The following GABBR2 variants were observed in gnomAD, a reference collection of about 807,000 sequenced individuals.
The protein encoded by GABBR2 is G-protein coupled receptor 51.
A neutral mutation model predicts 105.6 loss-of-function variants in GABBR2; 23 were observed. The ratio of observed to expected loss-of-function variants is 0.22; its 90% CI spans 0.16 to 0.31. The LOEUF is 0.31. GABBR2 is among the 10% of genes least tolerant of loss of function. The probability of loss-of-function intolerance (pLI) is 1.00; values close to 1 mark genes in which losing one functional copy is unlikely to be tolerated. For missense variants in GABBR2, 734 were observed against 1,245.5 expected (o/e 0.59, Z 6.18); for synonymous variants, 478 against 499.7 (o/e 0.96, Z 0.58).
chr9:98,348,352 G>T (rs1831335325), intron 13 of GABBR2, among the ~76,000 whole-genome samples: 1 of 152,146 alleles, frequency 6.6e-6, no homozygotes, highest in African/African-American at 2.4e-5. Flanking sequence ...AGTATATTTT[G>T]CAGTCAAGTA....
intron 3 of GABBR2, among the ~76,000 whole-genome samples, chr9:98,501,299 A>G (rs1281214548): frequency 2.0e-5 from 3 of 151,898 alleles, no homozygotes; most frequent in Non-Finnish European, 4.4e-5. Flanking sequence ...CAAATAGCTG[A>G]GATTACAGGT....
rs901748352 is a variant in GABBR2, at chr9:98,602,503, C to T, written c.322-24431G>A. ...TAAATGTCTCATTATATTGCTTAGG[C>T]TGGTCTTGAACTCCTGAGCTCAAAT... On this transcript the variant is annotated intron_variant, in intron 1 of 18. Coordinates refer to ENST00000259455, the MANE Select transcript of GABBR2 (RefSeq NM_005458.8). Among the ~76,000 whole-genome samples, 6 of 150,816 alleles carry T rather than the reference C, an allele frequency of 4.0e-5. No homozygotes were observed. The East Asian group carries it at 9.8e-4, about 25-fold the overall frequency.
intron 1 of GABBR2, among the ~76,000 whole-genome samples, chr9:98,688,898 G>A (rs1026588929): frequency 3.3e-5 from 5 of 152,180 alleles, no homozygotes; most frequent in African/African-American, 1.2e-4. Flanking sequence ...AGTGCAAAGC[G>A]TGATGGAGAT....
At chr9:98,305,107 G>C (rs1830530688) in intron 15 of GABBR2, among the ~76,000 whole-genome samples, 1 of 152,022 alleles carries the variant, frequency 6.6e-6, no homozygotes, top group South Asian at 2.1e-4. Flanking sequence ...CTTAGGTCAG[G>C]CTTCCCTCAA....
chr9:98,305,052 C>A (rs1365255459), intron 15 of GABBR2, among the ~76,000 whole-genome samples: 1 of 152,074 alleles, frequency 6.6e-6, no homozygotes, highest in Non-Finnish European at 1.5e-5. Flanking sequence ...GGATTACAGG[C>A]ACGAGCCACC....
intron 1 of GABBR2, among the ~76,000 whole-genome samples, chr9:98,598,790 C>T (rs1465020519): frequency 1.3e-5 from 2 of 152,116 alleles, no homozygotes; most frequent in East Asian, 3.9e-4. Flanking sequence ...AACCTGGCTA[C>T]CTAGGAGGCG....
At chr9:98,602,141 C>T (rs1467633754) in intron 1 of GABBR2, among the ~76,000 whole-genome samples, 1 of 151,666 alleles carries the variant, frequency 6.6e-6, no homozygotes, top group Non-Finnish European at 1.5e-5. Context: ...GCTGGGACCA[C>T]AGGCTTGCAC....
intron 2 of GABBR2, among the ~76,000 whole-genome samples, chr9:98,575,982 A>T (rs1828901351): frequency 6.6e-6 from 1 of 152,160 alleles, no homozygotes; most frequent in African/African-American, 2.4e-5. Flanking sequence ...TTCAGCAGCC[A>T]GCTTCATGCA....
intron 5 of GABBR2, among the ~76,000 whole-genome samples, chr9:98,477,280 C>G (rs1199561416): frequency 6.6e-6 from 1 of 152,244 alleles, no homozygotes; most frequent in Non-Finnish European, 1.5e-5. Context: ...GTCTCTGTCA[C>G]TCAGGCTGGA....
chr9:98,585,236 C>T (rs1268022036), intron 1 of GABBR2, among the ~76,000 whole-genome samples: 2 of 152,014 alleles, frequency 1.3e-5, no homozygotes, highest in Non-Finnish European at 1.5e-5. Flanking sequence ...GACTTGGAAC[C>T]AACCTAAATG....
At chr9:98,394,994 G>A (rs916896212) in intron 8 of GABBR2, among the ~76,000 whole-genome samples, 11 of 152,248 alleles carry the variant, frequency 7.2e-5, no homozygotes, top group African/African-American at 2.6e-4. Context: ...CCTTGCACTT[G>A]TTCAGTGTGT....
chr9:98,372,589 G>A (rs913213551), intron 11 of GABBR2, among the ~76,000 whole-genome samples: 1 of 152,216 alleles, frequency 6.6e-6, no homozygotes, highest in Non-Finnish European at 1.5e-5. Context: ...GCAGCAGACA[G>A]CTCAGGCCCT....
At chr9:98,702,582 C>T (rs950858572) in intron 1 of GABBR2, among the ~76,000 whole-genome samples, 8 of 152,198 alleles carry the variant, frequency 5.3e-5, no homozygotes, top group Non-Finnish European at 1.2e-4. Flanking sequence ...AGGCCGTCCA[C>T]GCCCAGCACC....
intron 1 of GABBR2, among the ~76,000 whole-genome samples, chr9:98,603,926 G>T (rs1460925455): frequency 2.0e-5 from 3 of 152,138 alleles, no homozygotes; most frequent in Non-Finnish European, 4.4e-5. Context: ...CAAAAATAAC[G>T]TCCCGTTCCA....
intron 13 of GABBR2, among the ~76,000 whole-genome samples, chr9:98,351,241 G>T (rs1831394853): frequency 1.3e-5 from 2 of 152,086 alleles, no homozygotes; most frequent in African/African-American, 4.8e-5. Context: ...ATTCAATGTT[G>T]TTATTGATAA....
intron 7 of GABBR2, among the ~76,000 whole-genome samples, chr9:98,441,530 G>T (rs1826031071): frequency 6.6e-6 from 1 of 152,154 alleles, no homozygotes; most frequent in African/African-American, 2.4e-5. Context: ...ATCACAACCA[G>T]CTAATTTTTG....
intron 7 of GABBR2, among the ~76,000 whole-genome samples, chr9:98,439,766 A>C (rs1287450914): frequency 6.6e-6 from 1 of 152,228 alleles, no homozygotes; most frequent in Non-Finnish European, 1.5e-5. Flanking sequence ...AATTAATTAT[A>C]GGTGTTTGAG....
At chr9:98,293,629 A>T (rs1182349989) in intron 18 of GABBR2, among the ~76,000 whole-genome samples, 156 bp downstream of exon 18, 1 of 152,236 alleles carries the variant, frequency 6.6e-6, no homozygotes, top group Non-Finnish European at 1.5e-5. Context: ...TTAGTTTTTC[A>T]TCTGTAAAAA....
chr9:98,537,671 A>C (rs892937486), intron 3 of GABBR2, among the ~76,000 whole-genome samples: 1 of 152,044 alleles, frequency 6.6e-6, no homozygotes. Context: ...TTCTGGGCTC[A>C]AGCAATCCTT....
Sources: gnomAD v4.1 joint callset for allele counts (sites outside exome capture counted in the v4.1 genomes callset) on GRCh38, gnomAD v4.1.1 for gene constraint, MANE v1.5 for transcripts, NCBI Gene and HGNC (gene_info 2026-07-23, HGNC 2026-07-21) for gene names.